Variants in SHANK1 observed in about 807,000 individuals in gnomAD.
The protein encoded by SHANK1 is SH3 and multiple ankyrin repeat domains protein 1.
A neutral mutation model predicts 165.6 loss-of-function variants in SHANK1; 35 were observed. The ratio of observed to expected loss-of-function variants is 0.21; its 90% CI spans 0.16 to 0.28. SHANK1 has a LOEUF of 0.28. Among genes scored for constraint, SHANK1 ranks in the 10% least tolerant of loss-of-function variants. The pLI is 1.00. For missense variants in SHANK1, 2,681 were observed against 3,036.4 expected (o/e 0.88, Z 2.75); for synonymous variants, 1,428 against 1,384.8 (o/e 1.03, Z -0.69).
intron 8 of SHANK1, among the ~76,000 whole-genome samples, chr19:50,710,568 G>A (rs981288141): frequency 2.6e-5 from 4 of 152,160 alleles, no homozygotes; most frequent in African/African-American, 7.2e-5. Flanking sequence ...TGAAAGACCC[G>A]GCTCTTGCCA....
chr19:50,660,645 G>C lies in SHANK1; in HGVS notation c.*1320C>G, dbSNP rs1254900480. Among the ~76,000 whole-genome samples the C allele has an allele frequency of 1.3e-5, 2 of 149,894 alleles. No homozygotes were observed. Among genetic ancestry groups the C allele is most frequent in the South Asian group, 2.1e-4 (1 of 4,696 alleles). ...CATCCAGGTAGAAAAGACAAGATGC[G>C]GTGTGCAGCCATGTCATGGTGCGCA... is the stretch of plus-strand genomic sequence containing the variant. On this transcript the variant is annotated 3_prime_UTR_variant, in exon 24 of 24. Transcript: ENST00000293441.
At chr19:50,719,376 C>G (rs1308060546) in intron 1 of SHANK1, 30 bp downstream of exon 1, 4 of 151,144 alleles carry the variant, frequency 2.6e-5, no homozygotes, top group Non-Finnish European at 5.9e-5. Context: ...CCGCAGCTGC[C>G]CCAAACCCCC....
At chr19:50,680,095 CAA>C (rs1986128471) in intron 21 of SHANK1, among the ~76,000 whole-genome samples, 1 of 150,264 alleles carries the variant, frequency 6.7e-6, no homozygotes, top group Non-Finnish European at 1.5e-5. Flanking sequence ...GAGACAGAGA[CAA>C]AGAGACAAAG....
intron 21 of SHANK1, among the ~76,000 whole-genome samples, chr19:50,676,334 C>T (rs569119894): frequency 4.4e-4 from 67 of 152,056 alleles, no homozygotes; most frequent in Non-Finnish European, 8.7e-4. Context: ...TCAAGGAAGG[C>T]CTCACTGAGA....
At position 50,662,409 on chromosome 19, in the gene SHANK1, C is replaced by T. The variant is rs768765682; in HGVS notation, c.6042G>A (p.Ala2014=). Residue 2014 remains alanine (A), a synonymous_variant, in exon 24 of 24, where the codon GCG becomes GCA. Coordinates refer to ENST00000293441, the MANE Select transcript of SHANK1 (RefSeq NM_016148.5). This position sits in a 1 kb window ranked among gnomAD's most constrained non-coding sequence, Gnocchi z 7.7. ...GGATGGGCAGGGACGAGGGCCTGGGCGCAGGGCTGACCTTGTGCTCCGAGG... is the reference window on the plus strand; with the variant it reads ...GGATGGGCAGGGACGAGGGCCTGGGTGCAGGGCTGACCTTGTGCTCCGAGG... ...LPASEHKVSP[A]PRPSSLPILP... is the part of the protein sequence containing the mutation. 1.4e-4 allele frequency: 212 copies of T among 1,565,342 alleles called. No individual in the cohort carries two copies. The highest frequency in any genetic ancestry group is 1.8e-4 in the Non-Finnish European group (207 of 1,155,520).
Position 50,717,869 on chromosome 19 carries a change from A to G in SHANK1, c.-43-907T>C, listed in dbSNP as rs1949102511. Reference sequence around the variant, plus strand: ...GTGTTAGGAGGGAGGCTAAGAAGTGAGAGGAGGGTCTGGGGAACTGAGTGG... The same window carrying G: ...GTGTTAGGAGGGAGGCTAAGAAGTGGGAGGAGGGTCTGGGGAACTGAGTGG... On this transcript the variant is annotated intron_variant, in intron 1 of 23. Coordinates refer to ENST00000293441, the MANE Select transcript of SHANK1 (RefSeq NM_016148.5). The surrounding 1 kb of genome is among the most constrained non-coding windows in gnomAD (Gnocchi z 5.5). Among the ~76,000 whole-genome samples, 2 of 151,926 alleles carry G rather than the reference A, an allele frequency of 1.3e-5. No individual in the cohort carries two copies. The highest frequency in any genetic ancestry group is 4.8e-5 in the African/African-American group (2 of 41,314).
rs200577881 is a variant in SHANK1, at chr19:50,662,480, G to T, written c.5971C>A (p.Arg1991=). 1.4e-5 allele frequency: 21 copies of T among 1,552,542 alleles called. No homozygotes were observed. Among genetic ancestry groups the T allele is most frequent in the Non-Finnish European group, 1.8e-5 (21 of 1,148,774 alleles). ...GGGGCCCGGCGGAGCAGAGGGGGCC[G>T]CATCTCGAACTCCACGCCCTGGAGG... ...RHLQGVEFEM[R]PPLLRRAPSP... is the part of the protein sequence containing the mutation. Residue 1991 remains arginine, a synonymous_variant, in exon 24 of 24, where the codon CGG becomes AGG. Transcript: ENST00000293441. This position sits in a 1 kb window ranked among gnomAD's most constrained non-coding sequence, Gnocchi z 7.7.
At chr19:50,673,944 A>G (rs1452324003) in intron 21 of SHANK1, among the ~76,000 whole-genome samples, 1 of 151,910 alleles carries the variant, frequency 6.6e-6, no homozygotes, top group East Asian at 1.9e-4. Context: ...GGCAGGCACA[A>G]TCACATCCAG....
chr19:50,686,101 C>G lies in SHANK1; in HGVS notation c.2577+136G>C. 2.1e-6 allele frequency: 1 copy of G among 466,398 alleles called. No individual in the cohort carries two copies. Among genetic ancestry groups the G allele is most frequent in the Non-Finnish European group, 3.8e-6 (1 of 261,538 alleles). 28.9% of individuals were successfully genotyped at this position (466,398 alleles called of 1,614,324 possible). A position where few individuals can be genotyped will look rare whatever the true frequency, so the allele number is the denominator to read the frequency against. ...CCAAAGTTGGGAGAAAGGAGGAAAC[C>G]CTAGGATGTGTGTCGCCCCTCCAGG... On this transcript the variant is annotated intron_variant, in intron 21 of 23. Coordinates refer to ENST00000293441, the MANE Select transcript of SHANK1 (RefSeq NM_016148.5). The surrounding 1 kb of genome is among the most constrained non-coding windows in gnomAD (Gnocchi z 5.7).
At chr19:50,691,119 A>T (rs1401741253) in intron 15 of SHANK1, among the ~76,000 whole-genome samples, 1 of 152,038 alleles carries the variant, frequency 6.6e-6, no homozygotes, top group African/African-American at 2.4e-5. Flanking sequence ...CCTCCCCTGG[A>T]TAGAGAGGTG....
At position 50,662,376 on chromosome 19, in the gene SHANK1, G is replaced by A. The variant is rs201925001; in HGVS notation, c.6075C>T (p.Ser2025=). ...CAAAGAGGCCTGGGTAGAGGGGTCC[G>A]GAAGGCAGGATGGGCAGGGACGAGG... The part of the protein sequence containing the change: ...PRPSSLPILP[S]GPLYPGLFDI... The change falls in exon 24 of 24, where the codon TCC becomes TCT. Residue 2025 remains serine (S), a synonymous_variant. Coordinates refer to ENST00000293441, the MANE Select transcript of SHANK1 (RefSeq NM_016148.5). This position sits in a 1 kb window ranked among gnomAD's most constrained non-coding sequence, Gnocchi z 7.7. 62 of 1,580,776 alleles carry A rather than the reference G, an allele frequency of 3.9e-5. No individual in the cohort carries two copies. The highest frequency in any genetic ancestry group is 2.2e-4 in the African/African-American group (16 of 74,204).
chr19:50,709,387 C>T (rs1402188835), intron 8 of SHANK1, among the ~76,000 whole-genome samples: 6 of 152,054 alleles, frequency 3.9e-5, no homozygotes, highest in Admixed American at 1.3e-4. Context: ...GTGATCCGCC[C>T]GCCTCGGCCT....
Position 50,686,043 on chromosome 19 carries a change from T to C in SHANK1, c.2577+194A>G, listed in dbSNP as rs1986321026. Among the ~76,000 whole-genome samples, 1 of 129,076 alleles carries C rather than the reference T, an allele frequency of 7.7e-6. No homozygotes were observed. Among genetic ancestry groups the C allele is most frequent in the South Asian group, 2.4e-4 (1 of 4,232 alleles). The allele number at this position is 129,076 out of a possible 152,430, so 84.7% of individuals were successfully genotyped here. ...GAGAGAAAAGGACAGAGATGGGATTTGAGGGAAAGGGGATAAGGAGGAAAG... is the reference window on the plus strand; with the variant it reads ...GAGAGAAAAGGACAGAGATGGGATTCGAGGGAAAGGGGATAAGGAGGAAAG... On this transcript the variant is annotated intron_variant, in intron 21 of 23. Coordinates refer to ENST00000293441, the MANE Select transcript of SHANK1 (RefSeq NM_016148.5). This position sits in a 1 kb window ranked among gnomAD's most constrained non-coding sequence, Gnocchi z 5.7.
At chr19:50,691,336 T>G (rs140074066) in intron 15 of SHANK1, among the ~76,000 whole-genome samples, 1 of 152,174 alleles carries the variant, frequency 6.6e-6, no homozygotes, top group African/African-American at 2.4e-5. Context: ...TCCTCCTGTA[T>G]CTCTTCCAGG....
intron 21 of SHANK1, among the ~76,000 whole-genome samples, chr19:50,681,041 C>T (rs141442960): frequency 1.9e-4 from 29 of 152,134 alleles, no homozygotes; most frequent in African/African-American, 6.7e-4. Context: ...CTGCACCCCC[C>T]ACCCCACTGC....
At chr19:50,698,797 C>G (rs992976986) in intron 12 of SHANK1, among the ~76,000 whole-genome samples, 1 of 152,198 alleles carries the variant, frequency 6.6e-6, no homozygotes, top group Non-Finnish European at 1.5e-5. Flanking sequence ...GGCATACTTT[C>G]AGTCACTCAT....
chr19:50,703,441 G>T, intron 11 of SHANK1, 59 bp downstream of exon 11: 1 of 1,434,170 alleles, frequency 7.0e-7, no homozygotes, highest in Non-Finnish European at 9.4e-7. Flanking sequence ...GGAAGCCGCC[G>T]ATCTGGAGAG....
Position 50,666,363 on chromosome 19 carries a change from A to C in SHANK1, c.5597T>G (p.Val1866Gly), listed in dbSNP as rs1345419680. 1 of 1,613,784 alleles carries C rather than the reference A, an allele frequency of 6.2e-7. No individual in the cohort carries two copies. Among genetic ancestry groups the C allele is most frequent in the Non-Finnish European group, 8.5e-7 (1 of 1,179,944 alleles). Residue 1866 changes from valine to glycine, a missense_variant, in exon 23 of 24, where the codon GTA becomes GGA. Physicochemically the swap from Val to Gly is moderately radical, Grantham distance 109. Coordinates refer to ENST00000293441, the MANE Select transcript of SHANK1 (RefSeq NM_016148.5). The stretch of plus-strand genomic sequence containing the variant: ...GAGTTCACTGATGATGCTGGCTTTT[A>C]CTGTGGCCAAGGCTGAGGCCTGAGG... ...AQPQASALAT[V>G]KASIISELSS...
In SHANK1 at chr19:50,672,075, C is replaced by G. The variant is rs1444209368; in HGVS notation, c.2617G>C (p.Glu873Gln). The G allele has an allele frequency of 1.2e-6, 2 of 1,613,808 alleles. No homozygotes were observed. Among genetic ancestry groups the G allele is most frequent in the African/African-American group, 1.3e-5 (1 of 74,884 alleles). Residue 873 changes from glutamate (E) to glutamine (Q), a missense_variant, in exon 22 of 24, where the codon GAG (glutamate) becomes CAG (glutamine). Around this residue, in one of 10 missense-constraint regions of SHANK1, gnomAD observed 206 missense variants for 216.0 expected, o/e 0.95. Coordinates refer to ENST00000293441, the MANE Select transcript of SHANK1 (RefSeq NM_016148.5). ...DPHHRAQPSYERPSFLPPGPG... is the reference protein window; with the variant it reads ...DPHHRAQPSYQRPSFLPPGPG... ...CCTGGAGGCAGGAAAGAAGGACGCT[C>G]GTAACTTGGCTGGGCACGGTGGTGG...
Sources: gnomAD v4.1 joint callset for allele counts (sites outside exome capture counted in the v4.1 genomes callset) on GRCh38, gnomAD v4.1.1 for gene constraint, gnomAD v4.1.1 regional missense constraint, Gnocchi (gnomAD v3.1) non-coding constraint, MANE v1.5 for transcripts, NCBI Gene and HGNC (gene_info 2026-07-23, HGNC 2026-07-21) for gene names.